NME7: variants seen among roughly 807,000 people sequenced by gnomAD.
NME7 encodes the protein NME/NM23 family member 7.
Under a neutral mutation model 49.1 loss-of-function variants are expected in NME7, and 41 were observed. The ratio of observed to expected loss-of-function variants is 0.83; its 90% CI spans 0.65 to 1.08. The LOEUF is 1.08. Ranked by LOEUF, NME7 falls within the 50% of genes least tolerant of loss-of-function variation. The probability of loss-of-function intolerance (pLI) is 0.00; values close to 1 mark genes in which losing one functional copy is unlikely to be tolerated. For synonymous variants in NME7, 139 were observed against 150.6 expected, an observed-to-expected ratio of 0.92 and a Z score of 0.56; for missense variants, 423 against 463.4, an observed-to-expected ratio of 0.91 and a Z score of 0.80.
At chr1:169,250,129 T>C (rs1201645547) in intron 7 of NME7, among the ~76,000 whole-genome samples, 1 of 152,086 alleles carries the variant, frequency 6.6e-6, no homozygotes, top group Non-Finnish European at 1.5e-5. Context: ...GGCAATTGTT[T>C]TGATTAGTGA....
chr1:169,332,771 TATC>T (rs1168115901), intron 1 of NME7, among the ~76,000 whole-genome samples: 1 of 152,196 alleles, frequency 6.6e-6, no homozygotes, highest in Non-Finnish European at 1.5e-5. Context: ...TACAATGAGA[TATC>T]ATCTTATCCC....
intron 1 of NME7, among the ~76,000 whole-genome samples, chr1:169,356,599 G>A (rs1381511172): frequency 6.6e-6 from 1 of 152,124 alleles, no homozygotes; most frequent in Non-Finnish European, 1.5e-5. Flanking sequence ...AAATAATTCT[G>A]AATAGTCACC....
chr1:169,287,944 T>C (rs1325837525), intron 6 of NME7, among the ~76,000 whole-genome samples: 3 of 150,542 alleles, frequency 2.0e-5, no homozygotes. Flanking sequence ...TCACTTTGCA[T>C]GTGGTTCACT....
chr1:169,145,896 G>T (rs12084793), intron 11 of NME7, among the ~76,000 whole-genome samples: 42,903 of 152,074 alleles, frequency 0.28, 6,528 homozygotes, highest in Non-Finnish European at 0.34. Context: ...AGTATAGTGG[G>T]CCTGAAGAAG....
chr1:169,295,162 T>G (rs1422303680), intron 6 of NME7, among the ~76,000 whole-genome samples: 1 of 152,112 alleles, frequency 6.6e-6, no homozygotes, highest in Non-Finnish European at 1.5e-5. Context: ...GTCCCAGCCA[T>G]CAGGACTATG....
rs145744951 is a variant in NME7 at position 169,236,021 on chromosome 1, A to G, written c.820-822T>C. On this transcript the variant is annotated intron_variant, in intron 8 of 11. Transcript: ENST00000367811. ...TTGTTTATTGTTGCCAGGATTGAAG[A>G]CCCACTGAGAAATTTCTGCCAATAT... Among the ~76,000 whole-genome samples the G allele has an allele frequency of 4.9e-3, 741 of 152,098 alleles. 3 individuals are homozygous for G. The highest frequency in any genetic ancestry group is 7.7e-3 in the Non-Finnish European group (526 of 67,972).
chr1:169,248,138 A>G (rs915653233), intron 7 of NME7, among the ~76,000 whole-genome samples: 2 of 152,140 alleles, frequency 1.3e-5, no homozygotes, highest in Non-Finnish European at 2.9e-5. Flanking sequence ...CATCTATGCC[A>G]ACATCTATTA....
chr1:169,271,426 T>C (rs1023398693), intron 7 of NME7, among the ~76,000 whole-genome samples: 2 of 134,034 alleles, frequency 1.5e-5, no homozygotes, highest in Non-Finnish European at 3.5e-5. Flanking sequence ...ACTGTGTATT[T>C]ACAAGACTTG....
At chr1:169,162,341 T>C (rs1033444168) in intron 11 of NME7, among the ~76,000 whole-genome samples, 7 of 152,068 alleles carry the variant, frequency 4.6e-5, no homozygotes, top group African/African-American at 9.7e-5. Flanking sequence ...ATATTTTATA[T>C]GCTTCTTAAA....
intron 7 of NME7, among the ~76,000 whole-genome samples, chr1:169,255,898 C>G (rs1390166056): frequency 2.3e-5 from 3 of 133,306 alleles, no homozygotes; most frequent in Admixed American, 7.4e-5. Flanking sequence ...GGCCCCCACT[C>G]TCTTCTGGCT....
chr1:169,138,447 C>A (rs1022907235), intron 11 of NME7, among the ~76,000 whole-genome samples: 1 of 151,702 alleles, frequency 6.6e-6, no homozygotes, highest in African/African-American at 2.4e-5. Context: ...CAGTGGCTCA[C>A]ACCTGTAATC....
chr1:169,337,515 AAGGAGCTCCCAC>A (rs1233355028), intron 1 of NME7, among the ~76,000 whole-genome samples: 2 of 152,138 alleles, frequency 1.3e-5, no homozygotes, highest in Non-Finnish European at 2.9e-5. Context: ...CCAGCCCAGA[AAGGAGCTCCCAC>A]AGCGCAGCGG....
chr1:169,270,776 A>C (rs190807462), intron 7 of NME7, among the ~76,000 whole-genome samples: 4 of 133,748 alleles, frequency 3.0e-5, no homozygotes, highest in Admixed American at 7.4e-5. Flanking sequence ...AAAAATGTAT[A>C]GAATTATTCT....
intron 7 of NME7, among the ~76,000 whole-genome samples, chr1:169,269,754 T>C (rs1649433107): frequency 7.5e-6 from 1 of 134,180 alleles, no homozygotes; most frequent in Non-Finnish European, 1.8e-5. Context: ...ATTCTGATGC[T>C]AAATTTACAA....
intron 10 of NME7, among the ~76,000 whole-genome samples, chr1:169,199,132 T>C (rs1660473176): frequency 6.6e-6 from 1 of 152,082 alleles, no homozygotes; most frequent in Non-Finnish European, 1.5e-5. Context: ...CACTGAACCT[T>C]GAAACCTTGG....
chr1:169,323,281 A>G lies in NME7; in HGVS notation c.114T>C (p.His38=). 6.3e-7 allele frequency: 1 copy of G among 1,589,546 alleles called. No homozygotes were observed. Among genetic ancestry groups the G allele is most frequent in the Non-Finnish European group, 8.5e-7 (1 of 1,170,050 alleles). Residue 38 remains histidine, a splice_region_variant and synonymous_variant, in exon 3 of 12, where the codon CAT becomes CAC. Coordinates refer to ENST00000367811, the MANE Select transcript of NME7 (RefSeq NM_013330.5). The stretch of plus-strand genomic sequence containing the variant: ...AAAAGGTGCGATGATTCTTTACATC[A>G]TGCTAGAACCAGACACAACAATATA... The part of the protein sequence containing the change: ...FYPGDGSVEM[H]DVKNHRTFLK...
intron 1 of NME7, among the ~76,000 whole-genome samples, chr1:169,367,460 C>G (rs17345510): frequency 0.01 from 1,567 of 152,304 alleles, 18 homozygotes; most frequent in Non-Finnish European, 0.019. Flanking sequence ...GGTTATTAGA[C>G]TCGATGCCTT....
intron 10 of NME7, among the ~76,000 whole-genome samples, chr1:169,184,423 G>A (rs1473627359): frequency 6.6e-6 from 1 of 152,180 alleles, no homozygotes; most frequent in East Asian, 1.9e-4. Context: ...TCTTTTGACA[G>A]TACCTCAAAC....
chr1:169,166,688 C>T (rs901796279), intron 11 of NME7, among the ~76,000 whole-genome samples: 17 of 152,088 alleles, frequency 1.1e-4, no homozygotes, highest in Non-Finnish European at 1.9e-4. Context: ...AAAGTTCATT[C>T]GGAGGTTGGC....
Sources: allele counts gnomAD v4.1 joint callset (sites outside exome capture counted in the v4.1 genomes callset), GRCh38; gene constraint gnomAD v4.1.1; transcripts MANE v1.5; gene names NCBI Gene and HGNC (gene_info 2026-07-23, HGNC 2026-07-21).